The following FBXL7 variants were observed in gnomAD, a reference collection of about 807,000 sequenced individuals.
The protein encoded by FBXL7 is F-box and leucine rich repeat protein 7, also known as F-box/LRR-repeat protein 7.
Under a neutral mutation model 38.3 loss-of-function variants are expected in FBXL7, and 12 were observed. The observed-to-expected ratio is 0.31, with a 90% confidence interval of 0.20 to 0.51. FBXL7 has a LOEUF of 0.51. FBXL7 is among the 20% of genes least tolerant of loss of function. The pLI is 0.98. For synonymous variants in FBXL7, 297 were observed against 300.9 expected (o/e 0.99, Z 0.13); for missense variants, 567 against 676.4 (o/e 0.84, Z 1.79).
At chr5:15,641,609 T>C (rs1159001458) in intron 2 of FBXL7, among the ~76,000 whole-genome samples, 1 of 152,094 alleles carries the variant, frequency 6.6e-6, no homozygotes, top group Non-Finnish European at 1.5e-5. Context: ...TGTCTGAGTG[T>C]ATTTCTGGAT....
At chr5:15,756,562 T>G (rs974293145) in intron 2 of FBXL7, among the ~76,000 whole-genome samples, 4 of 152,180 alleles carry the variant, frequency 2.6e-5, no homozygotes, top group Non-Finnish European at 5.9e-5. Context: ...CCGGACCATT[T>G]TTAGGATGTC....
intron 2 of FBXL7, among the ~76,000 whole-genome samples, chr5:15,788,595 C>T (rs988318290): frequency 2.6e-5 from 4 of 152,168 alleles, no homozygotes; most frequent in African/African-American, 9.6e-5. Flanking sequence ...CTTCTTCCAG[C>T]TTCTGTAGGT....
chr5:15,936,338 A>G lies in FBXL7; in HGVS notation c.740-112A>G, dbSNP rs908718491. ...AGAGACCAAGACAGGAAAGGGTAACATCAGCCTCGGACCCAGACTTGGGCG... is the reference window on the plus strand; with the variant it reads ...AGAGACCAAGACAGGAAAGGGTAACGTCAGCCTCGGACCCAGACTTGGGCG... On this transcript the variant is annotated intron_variant, in intron 3 of 3. Transcript: ENST00000504595. This position sits in a 1 kb window ranked among gnomAD's most constrained non-coding sequence, Gnocchi z 6.0. 9.0e-6 allele frequency: 12 copies of G among 1,331,820 alleles called. No individual in the cohort carries two copies. The highest frequency in any genetic ancestry group is 5.0e-5 in the Admixed American group (2 of 40,074). 82.5% of individuals were successfully genotyped at this position (1,331,820 alleles called of 1,614,324 possible).
intron 2 of FBXL7, among the ~76,000 whole-genome samples, chr5:15,702,245 A>C (rs1171478289): frequency 2.0e-5 from 3 of 152,052 alleles, no homozygotes; most frequent in Non-Finnish European, 4.4e-5. Flanking sequence ...CAAAAAAAAA[A>C]AAAAAAAATT....
rs1741279394 is a variant in FBXL7, at chr5:15,639,225, TCAGA to T, written c.127+23157_127+23160del. Among the ~76,000 whole-genome samples the T allele has an allele frequency of 3.3e-5, 5 of 152,326 alleles. No individual in the cohort carries two copies. In the South Asian group the frequency reaches 1.0e-3, roughly 32 times the overall value. On this transcript the variant is annotated intron_variant, in intron 2 of 3. Coordinates refer to ENST00000504595, the MANE Select transcript of FBXL7 (RefSeq NM_012304.5). ...TCAAGACTGAGCTGGGGCTTTAGAC[TCAGA>T]CAGCCCTGGGCTTAAAATCAGGCTT...
At chr5:15,662,397 A>G (rs1191015872) in intron 2 of FBXL7, among the ~76,000 whole-genome samples, 2 of 152,026 alleles carry the variant, frequency 1.3e-5, no homozygotes, top group Non-Finnish European at 2.9e-5. Flanking sequence ...TAGATGCTGG[A>G]TATTATACCT....
rs186465679 is a variant in FBXL7 at position 15,874,159 on chromosome 5, C to T, written c.128-53731C>T. Among the ~76,000 whole-genome samples, 396 of 152,086 alleles carry T rather than the reference C, an allele frequency of 2.6e-3. 2 individuals are homozygous for T. The highest frequency in any genetic ancestry group is 8.3e-3 in the African/African-American group (346 of 41,508). ...TAATCCATCACATAAACAGAACCAA[C>T]GACAAAAACCACATGATTATCTCAA... On this transcript the variant is annotated intron_variant, in intron 2 of 3. Transcript: ENST00000504595.
intron 1 of FBXL7, among the ~76,000 whole-genome samples, chr5:15,611,595 TC>T (rs1740237308): frequency 6.6e-6 from 1 of 151,692 alleles, no homozygotes; most frequent in Non-Finnish European, 1.5e-5. Context: ...GCAGAGGCTC[TC>T]AGGAACCTAA....
chr5:15,751,579 C>T (rs1272292956), intron 2 of FBXL7, among the ~76,000 whole-genome samples: 1 of 152,150 alleles, frequency 6.6e-6, no homozygotes, highest in African/African-American at 2.4e-5. Context: ...TATTAGAGAC[C>T]ATACAACTTA....
chr5:15,521,637 C>A (rs780576182), intron 1 of FBXL7, among the ~76,000 whole-genome samples: 1 of 152,212 alleles, frequency 6.6e-6, no homozygotes. Flanking sequence ...ACAGAGCCTA[C>A]TCCTCTTTGG....
chr5:15,921,640 C>G (rs191914026), intron 2 of FBXL7, among the ~76,000 whole-genome samples: 30 of 152,114 alleles, frequency 2.0e-4, no homozygotes, highest in Admixed American at 1.4e-3. Context: ...TCATGCAACT[C>G]AATAGCAAGA....
At chr5:15,657,324 T>C (rs1246365936) in intron 2 of FBXL7, among the ~76,000 whole-genome samples, 1 of 151,276 alleles carries the variant, frequency 6.6e-6, no homozygotes, top group East Asian at 1.9e-4. Flanking sequence ...TGCCCTACTT[T>C]AGTAGGCTGT....
chr5:15,899,418 A>T (rs1245991862), intron 2 of FBXL7, among the ~76,000 whole-genome samples: 2 of 152,216 alleles, frequency 1.3e-5, no homozygotes, highest in South Asian at 4.1e-4. Context: ...CAGTGTAATG[A>T]TTCAAGTGTT....
At position 15,737,608 on chromosome 5, in the gene FBXL7, T is replaced by C. The variant is rs995311380; in HGVS notation, c.127+121536T>C. On this transcript the variant is annotated intron_variant, in intron 2 of 3. Transcript: ENST00000504595. ...TCTTTTTAAAATGTATTTTGTTAATTGCACAATAAGGTGGAAGGAAACCAG... is the reference window on the plus strand; with the variant it reads ...TCTTTTTAAAATGTATTTTGTTAATCGCACAATAAGGTGGAAGGAAACCAG... 4.6e-5 allele frequency among the ~76,000 whole-genome samples: 7 copies of C among 152,156 alleles called. 2 individuals carry two copies. Among genetic ancestry groups the C allele is most frequent in the Admixed American group, 3.9e-4 (6 of 15,278 alleles).
intron 2 of FBXL7, among the ~76,000 whole-genome samples, chr5:15,900,513 A>G (rs1435030295): frequency 6.6e-6 from 1 of 152,200 alleles, no homozygotes; most frequent in Non-Finnish European, 1.5e-5. Context: ...TCCTTTGCAT[A>G]GATTTTTCTT....
At chr5:15,562,247 G>T (rs149432890) in intron 1 of FBXL7, among the ~76,000 whole-genome samples, 13 of 152,102 alleles carry the variant, frequency 8.5e-5, no homozygotes, top group African/African-American at 2.9e-4. Context: ...GGCAATAAAA[G>T]GAAGAATAAA....
At chr5:15,865,705 C>G (rs1241118152) in intron 2 of FBXL7, among the ~76,000 whole-genome samples, 1 of 152,070 alleles carries the variant, frequency 6.6e-6, no homozygotes, top group Non-Finnish European at 1.5e-5. Context: ...CCTTCTTCTT[C>G]CCTCCTCCCT....
intron 3 of FBXL7, among the ~76,000 whole-genome samples, chr5:15,933,452 C>T (rs558649513): frequency 7.0e-4 from 107 of 152,222 alleles, no homozygotes; most frequent in Non-Finnish European, 7.3e-4. Context: ...TCTTTATAGG[C>T]GTCACAGATG....
At chr5:15,904,185 C>T (rs1387397955) in intron 2 of FBXL7, among the ~76,000 whole-genome samples, 2 of 152,102 alleles carry the variant, frequency 1.3e-5, no homozygotes, top group Non-Finnish European at 2.9e-5. Flanking sequence ...AAGATGTCGT[C>T]TTGTGTTTTG....
Sources: allele counts gnomAD v4.1 joint callset (sites outside exome capture counted in the v4.1 genomes callset), GRCh38; gene constraint gnomAD v4.1.1; non-coding constraint Gnocchi (gnomAD v3.1); transcripts MANE v1.5; gene names NCBI Gene and HGNC (gene_info 2026-07-23, HGNC 2026-07-21).